Variants in GPC3 observed in about 807,000 individuals in gnomAD.
The protein encoded by GPC3 is glypican 3, also known as glypican-3.
In GPC3, 3 loss-of-function variants were observed where a neutral mutation model predicts 34.4. That is an observed-to-expected ratio of 0.09 (90% CI 0.04 to 0.23). GPC3 has a LOEUF of 0.23. Among genes scored for constraint, GPC3 ranks in the 10% least tolerant of loss-of-function variants. The pLI is 1.00. For synonymous variants in GPC3, 177 were observed against 174.0 expected (o/e 1.02, Z -0.13); for missense variants, 351 against 445.6 (o/e 0.79, Z 1.91).
chrX:133,741,287 A>G (rs1326293926), intron 3 of GPC3, among the ~76,000 whole-genome samples: 1 of 110,718 alleles, frequency 9.0e-6, no homozygotes, highest in Non-Finnish European at 1.9e-5. Context: ...AAGCCAAAAA[A>G]AAAAAAAAAA....
intron 2 of GPC3, among the ~76,000 whole-genome samples, chrX:133,938,653 A>C (rs1171249807): frequency 8.9e-6 from 1 of 112,189 alleles, no homozygotes; most frequent in Non-Finnish European, 1.9e-5. Context: ...ACAGAGCCCA[A>C]GTTAATGAGA....
At chrX:133,589,020 A>C (rs2069820147) in intron 7 of GPC3, among the ~76,000 whole-genome samples, 1 of 111,570 alleles carries the variant, frequency 9.0e-6, no homozygotes, top group South Asian at 3.8e-4. Flanking sequence ...CTTGGAGATG[A>C]CAACAGAAGA....
chrX:133,850,258 A>C (rs1427589548), intron 2 of GPC3, among the ~76,000 whole-genome samples: 1 of 100,861 alleles, frequency 9.9e-6, no homozygotes, highest in Non-Finnish European at 1.9e-5. Context: ...TTAAGATGAA[A>C]AAGAAAAATT....
chrX:133,879,969 C>T (rs988974239), intron 2 of GPC3, among the ~76,000 whole-genome samples: 21 of 111,671 alleles, frequency 1.9e-4, no homozygotes, highest in African/African-American at 6.8e-4. Context: ...ATACAACCCC[C>T]TAAAACTGAA....
intron 5 of GPC3, among the ~76,000 whole-genome samples, chrX:133,687,691 G>T (rs759691882): frequency 2.7e-3 from 302 of 111,411 alleles, no homozygotes; most frequent in Non-Finnish European, 4.4e-3. Flanking sequence ...CTCCCAGAGT[G>T]CTGGGATTAC....
At position 133,723,109 on chromosome X, in the gene GPC3, T is replaced by G. The variant is rs1397573864; in HGVS notation, c.1033-23081A>C. 4.5e-5 allele frequency among the ~76,000 whole-genome samples: 5 copies of G among 112,051 alleles called. 1 individual carries two copies. In the Admixed American group the frequency reaches 4.7e-4, roughly 11 times the overall value. ...TTCTATCAATGAGGTGACACTATTT[T>G]GGCAGCTTGTGATTTCCCCCCTAGT... is the stretch of plus-strand genomic sequence containing the variant. On this transcript the variant is annotated intron_variant, in intron 3 of 7. Transcript: ENST00000370818.
intron 7 of GPC3, among the ~76,000 whole-genome samples, chrX:133,567,610 G>A (rs899816677): frequency 1.4e-4 from 16 of 111,505 alleles, no homozygotes; most frequent in Admixed American, 1.4e-3. Flanking sequence ...AAAATCTATC[G>A]ACCAGTCCCT....
At chrX:133,953,527 G>A (rs2076402842) in intron 1 of GPC3, among the ~76,000 whole-genome samples, 1 of 111,322 alleles carries the variant, frequency 9.0e-6, no homozygotes, top group Non-Finnish European at 1.9e-5. Flanking sequence ...CCGATATTTA[G>A]TTTGTCTTTT....
At chrX:133,648,895 T>C (rs2070570038) in intron 6 of GPC3, among the ~76,000 whole-genome samples, 1 of 112,325 alleles carries the variant, frequency 8.9e-6, no homozygotes, top group South Asian at 3.7e-4. Flanking sequence ...TTTTAAAGTC[T>C]TGTCTAATTC....
intron 2 of GPC3, among the ~76,000 whole-genome samples, chrX:133,810,972 T>C (rs936393307): frequency 7.2e-5 from 8 of 110,682 alleles, no homozygotes; most frequent in African/African-American, 2.3e-4. Flanking sequence ...GAGGGAACAC[T>C]AGATGCTTTC....
intron 1 of GPC3, among the ~76,000 whole-genome samples, chrX:133,984,193 G>T (rs1483880456): frequency 1.8e-5 from 2 of 113,729 alleles, no homozygotes; most frequent in Admixed American, 1.8e-4. Context: ...GCGCCTCACT[G>T]GATGCCTGAG....
At chrX:133,911,852 T>C (rs1310884719) in intron 2 of GPC3, among the ~76,000 whole-genome samples, 1 of 112,014 alleles carries the variant, frequency 8.9e-6, no homozygotes, top group Non-Finnish European at 1.9e-5. Context: ...TGTTGTCACC[T>C]GGTGATCCTG....
chrX:133,980,011 A>G (rs1347648788), intron 1 of GPC3, among the ~76,000 whole-genome samples: 1 of 111,967 alleles, frequency 8.9e-6, no homozygotes, highest in African/African-American at 3.2e-5. Flanking sequence ...AGGTCCATGC[A>G]TGTGTTATAT....
chrX:133,689,162 T>C (rs1205393164), intron 5 of GPC3, among the ~76,000 whole-genome samples: 2 of 110,856 alleles, frequency 1.8e-5, no homozygotes, highest in Non-Finnish European at 3.8e-5. Context: ...CTTTCTTTCC[T>C]GGATAGTATA....
chrX:133,846,415 T>G (rs2075847229), intron 2 of GPC3, among the ~76,000 whole-genome samples: 1 of 111,935 alleles, frequency 8.9e-6, no homozygotes, highest in East Asian at 2.8e-4. Context: ...ATGGCATCCT[T>G]CTGAAGTGAA....
chrX:133,589,958 G>A lies in GPC3; in HGVS notation c.1573+6482C>T, dbSNP rs780804515. 6.3e-5 allele frequency among the ~76,000 whole-genome samples: 7 copies of A among 111,054 alleles called. No individual in the cohort carries two copies. The East Asian group carries it at 1.4e-3, about 23-fold the overall frequency. ...ATTCATGTTGAAACTTAATGCCCCC[G>A]GCAATGCAACAGTATGAAGAGGTGG... On this transcript the variant is annotated intron_variant, in intron 7 of 7. Transcript: ENST00000370818.
chrX:133,613,240 G>T lies in GPC3; in HGVS notation c.1414-16641C>A, dbSNP rs906682975. 2.7e-5 allele frequency among the ~76,000 whole-genome samples: 3 copies of T among 112,089 alleles called. No individual in the cohort carries two copies. In the East Asian group the frequency reaches 8.3e-4, roughly 31 times the overall value. On this transcript the variant is annotated intron_variant, in intron 6 of 7. Transcript: ENST00000370818. ...GTATTTATGGCTTTTGGTGAATGTG[G>T]TTGCTCTTCTATGTAATTTGCTTCA...
chrX:133,853,486 T>C (rs757415276), intron 2 of GPC3, among the ~76,000 whole-genome samples: 1 of 112,334 alleles, frequency 8.9e-6, no homozygotes, highest in South Asian at 3.7e-4. Context: ...AGTTACTATA[T>C]ACTTGGCAAA....
chrX:133,842,808 T>C (rs907351800), intron 2 of GPC3, among the ~76,000 whole-genome samples: 2 of 111,261 alleles, frequency 1.8e-5, no homozygotes, highest in African/African-American at 6.5e-5. Flanking sequence ...GCTTCCAAGA[T>C]GGTCCCCAAT....
Sources: allele counts gnomAD v4.1 joint callset (sites outside exome capture counted in the v4.1 genomes callset), GRCh38; gene constraint gnomAD v4.1.1; transcripts MANE v1.5; gene names NCBI Gene and HGNC (gene_info 2026-07-23, HGNC 2026-07-21).